RNF150: variants seen among roughly 807,000 people sequenced by gnomAD.
The protein encoded by RNF150 is ring finger protein 150.
Under a neutral mutation model 39.3 loss-of-function variants are expected in RNF150, and 24 were observed. That is an observed-to-expected ratio of 0.61 (90% confidence interval 0.44 to 0.86). RNF150 has a LOEUF of 0.86. Among genes scored for constraint, RNF150 ranks in the 40% least tolerant of loss-of-function variants. RNF150 has a pLI of 0.00. For synonymous variants in RNF150, 255 were observed against 227.3 expected, an observed-to-expected ratio of 1.12 and a Z score of -1.10; for missense variants, 502 against 587.8, an observed-to-expected ratio of 0.85 and a Z score of 1.51.
rs1437169309 is a variant in RNF150, at chr4:140,861,105, T to G, written c.*7156A>C. Reference sequence around the variant, plus strand: ...TATAAAATGGTAGAACCATCTCAGATTACTAATGTGAAAGCAGGAAGTAAA... The same window carrying G: ...TATAAAATGGTAGAACCATCTCAGAGTACTAATGTGAAAGCAGGAAGTAAA... On this transcript the variant is annotated 3_prime_UTR_variant, in exon 7 of 7. Coordinates refer to ENST00000515673, the MANE Select transcript of RNF150 (RefSeq NM_020724.2). 11 of 152,146 alleles carry G rather than the reference T, an allele frequency of 7.2e-5. No individual in the cohort carries two copies. Among genetic ancestry groups the G allele is most frequent in the African/African-American group, 2.7e-4 (11 of 41,434 alleles). The allele number at this position is 152,146 out of a possible 1,614,324, so 9.4% of individuals were successfully genotyped here.
chr4:141,132,568 A>T lies in RNF150; in HGVS notation c.241T>A (p.Ser81Thr). 1 of 1,586,462 alleles carries T rather than the reference A, an allele frequency of 6.3e-7. No individual in the cohort carries two copies. Among genetic ancestry groups the T allele is most frequent in the Middle Eastern group, 1.7e-4 (1 of 5,896 alleles). ...KTECGRYGEH[S>T]PKQDARGEVV... The stretch of plus-strand genomic sequence containing the variant: ...TCCCCGCGGGCGTCCTGCTTGGGCG[A>T]GTGCTCTCCGTAGCGCCCGCACTCC... The change falls in exon 1 of 7, where the codon TCG becomes ACG. Residue 81 changes from serine (S) to threonine (T), a missense_variant. Physicochemically the swap from Ser to Thr is moderately conservative, Grantham distance 58. Transcript: ENST00000515673. The surrounding 1 kb of genome is among the most constrained non-coding windows in gnomAD (Gnocchi z 4.9).
intron 1 of RNF150, among the ~76,000 whole-genome samples, chr4:141,171,602 T>C (rs1251371633): frequency 1.3e-5 from 2 of 152,208 alleles, no homozygotes; most frequent in East Asian, 3.9e-4. Flanking sequence ...AGACATTCTC[T>C]AGGCACAGGG....
At chr4:140,919,833 A>G (rs559179744) in intron 5 of RNF150, among the ~76,000 whole-genome samples, 23 of 152,312 alleles carry the variant, frequency 1.5e-4, no homozygotes, top group African/African-American at 5.3e-4. Flanking sequence ...TGGTACCAAA[A>G]CAGAGATATA....
At chr4:141,018,755 A>G (rs558043332) in intron 1 of RNF150, among the ~76,000 whole-genome samples, 1 of 152,190 alleles carries the variant, frequency 6.6e-6, no homozygotes, top group African/African-American at 2.4e-5. Flanking sequence ...GATTTGGGGG[A>G]ATTTACAAAA....
At chr4:140,931,834 TAAG>T (rs1023204910) in intron 4 of RNF150, among the ~76,000 whole-genome samples, 25 of 152,366 alleles carry the variant, frequency 1.6e-4, no homozygotes, top group African/African-American at 5.8e-4. Flanking sequence ...TGATGAATAA[TAAG>T]TTCTCACACT....
chr4:140,995,126 C>T (rs999571236), intron 1 of RNF150, among the ~76,000 whole-genome samples: 3 of 152,172 alleles, frequency 2.0e-5, no homozygotes, highest in Non-Finnish European at 4.4e-5. Flanking sequence ...CATCCCCACT[C>T]CAACCCTACT....
intron 6 of RNF150, among the ~76,000 whole-genome samples, chr4:140,898,771 TA>T (rs201858508): frequency 0.019 from 1,978 of 101,956 alleles, 16 homozygotes; most frequent in Non-Finnish European, 0.028. Flanking sequence ...TCCTATTTTC[TA>T]ACTCCTATTT....
intron 1 of RNF150, among the ~76,000 whole-genome samples, chr4:141,195,425 T>G (rs1376017609): frequency 6.6e-6 from 1 of 152,224 alleles, no homozygotes; most frequent in Non-Finnish European, 1.5e-5. Context: ...TCCCTGTATC[T>G]TTTCTTTTTC....
chr4:141,211,680 G>T (rs1279783714), intron 1 of RNF150, among the ~76,000 whole-genome samples: 1 of 148,488 alleles, frequency 6.7e-6, no homozygotes, highest in Admixed American at 6.7e-5. Context: ...AACTTACTTT[G>T]TTTTTTTTTT....
At chr4:140,983,522 TAC>T (rs1733926158) in intron 1 of RNF150, among the ~76,000 whole-genome samples, 1 of 152,092 alleles carries the variant, frequency 6.6e-6, no homozygotes, top group Non-Finnish European at 1.5e-5. Context: ...GCAAAAATAA[TAC>T]AGTGTATAAT....
intron 1 of RNF150, among the ~76,000 whole-genome samples, chr4:140,993,024 C>T (rs1048500516): frequency 2.6e-5 from 4 of 151,994 alleles, no homozygotes; most frequent in Admixed American, 1.3e-4. Flanking sequence ...TCTCGGGAGT[C>T]GCTCATCCTC....
chr4:141,157,857 C>T (rs754240304), intron 1 of RNF150, among the ~76,000 whole-genome samples: 1 of 152,226 alleles, frequency 6.6e-6, no homozygotes, highest in Non-Finnish European at 1.5e-5. Flanking sequence ...TCAAGTGTCT[C>T]GTCCAGAGTC....
intron 1 of RNF150, among the ~76,000 whole-genome samples, chr4:141,003,501 C>T (rs1486461298): frequency 6.6e-6 from 1 of 151,230 alleles, no homozygotes; most frequent in East Asian, 2.0e-4. Context: ...TTTCCCACTG[C>T]CTTTCTCTAC....
At chr4:141,159,266 TG>T (rs1683875721) in intron 1 of RNF150, among the ~76,000 whole-genome samples, 1 of 152,196 alleles carries the variant, frequency 6.6e-6, no homozygotes, top group Non-Finnish European at 1.5e-5. Context: ...AGCTTGAAAG[TG>T]GCTTTGGACA....
chr4:141,127,446 A>C (rs1382915566), intron 1 of RNF150, among the ~76,000 whole-genome samples: 1 of 152,186 alleles, frequency 6.6e-6, no homozygotes, highest in Non-Finnish European at 1.5e-5. Flanking sequence ...GAAAAAAGAA[A>C]ACTTTATTAA....
At position 141,096,190 on chromosome 4, in the gene RNF150, C is replaced by CTTTTTTTT. The variant is rs780868429; in HGVS notation, c.484+36127_484+36134dup. Among the ~76,000 whole-genome samples the CTTTTTTTT allele has an allele frequency of 6.0e-4, 41 of 67,978 alleles. 1 individual carries two copies. The highest frequency in any genetic ancestry group is 3.6e-3 in the South Asian group (6 of 1,670). 44.6% of individuals were successfully genotyped at this position (67,978 alleles called of 152,430 possible). On this transcript the variant is annotated intron_variant, in intron 1 of 6. Coordinates refer to ENST00000515673, the MANE Select transcript of RNF150 (RefSeq NM_020724.2). ...AATACCAAGGAGAGTTTTTAGCTTTCTTTTTTTTTTTTTTTTTTTTTTTTT... is the reference window on the plus strand; with the variant it reads ...AATACCAAGGAGAGTTTTTAGCTTTCTTTTTTTTTTTTTTTTTTTTTTTTTTTTTTTTT...
At chr4:141,007,563 T>A (rs1734920702) in intron 1 of RNF150, among the ~76,000 whole-genome samples, 1 of 152,232 alleles carries the variant, frequency 6.6e-6, no homozygotes, top group Non-Finnish European at 1.5e-5. Flanking sequence ...GCAGTCTGAT[T>A]TATTCTTCGT....
At position 140,865,107 on chromosome 4, in the gene RNF150, C is replaced by G. The variant is rs1020921455; in HGVS notation, c.*3154G>C. 6.6e-6 allele frequency: 1 copy of G among 152,066 alleles called. No individual in the cohort carries two copies. The highest frequency in any genetic ancestry group is 1.5e-5 in the Non-Finnish European group (1 of 68,024). The allele number at this position is 152,066 out of a possible 1,614,324, so 9.4% of individuals were successfully genotyped here. The stretch of plus-strand genomic sequence containing the variant: ...GCAGCCACTAGCCACATGTGACTAT[C>G]CAAATTGAGAGGTGCTGTGAGTGTA... On this transcript the variant is annotated 3_prime_UTR_variant, in exon 7 of 7. Coordinates refer to ENST00000515673, the MANE Select transcript of RNF150 (RefSeq NM_020724.2).
At chr4:140,992,921 G>A (rs1169874267) in intron 1 of RNF150, among the ~76,000 whole-genome samples, 1 of 152,066 alleles carries the variant, frequency 6.6e-6, no homozygotes, top group East Asian at 1.9e-4. Flanking sequence ...CAGGAGCCAA[G>A]GGAGGCACCC....
Sources: allele counts gnomAD v4.1 joint callset (sites outside exome capture counted in the v4.1 genomes callset), GRCh38; gene constraint gnomAD v4.1.1; non-coding constraint Gnocchi (gnomAD v3.1); transcripts MANE v1.5; gene names NCBI Gene and HGNC (gene_info 2026-07-23, HGNC 2026-07-21).